Variants in DCP1A observed in about 807,000 individuals in gnomAD.
The protein encoded by DCP1A is mRNA-decapping enzyme 1A.
A neutral mutation model predicts 58.0 loss-of-function variants in DCP1A; 20 were observed. The ratio of observed to expected loss-of-function variants is 0.34; its 90% CI spans 0.24 to 0.50. DCP1A has a LOEUF of 0.50. Ranked by LOEUF, DCP1A falls within the 20% of genes least tolerant of loss-of-function variation. The probability of loss-of-function intolerance (pLI) is 0.98; values close to 1 mark genes in which losing one functional copy is unlikely to be tolerated. For missense variants in DCP1A, 613 were observed against 712.2 expected, an observed-to-expected ratio of 0.86 and a Z score of 1.59; for synonymous variants, 285 against 275.1, an observed-to-expected ratio of 1.04 and a Z score of -0.36.
intron 8 of DCP1A, among the ~76,000 whole-genome samples, chr3:53,288,985 A>C (rs1553685580): frequency 6.6e-6 from 1 of 151,356 alleles, no homozygotes; most frequent in African/African-American, 2.4e-5. Context: ...ATTGCACTCC[A>C]GCCTGGGTGA....
At chr3:53,312,489 ATTC>A (rs1324547450) in intron 4 of DCP1A, 110 bp from the exon 5 acceptor site, 19 of 860,306 alleles carry the variant, frequency 2.2e-5, no homozygotes, top group East Asian at 3.2e-5. Context: ...ACATGATGAC[ATTC>A]TTCTTTTTTT....
intron 3 of DCP1A, among the ~76,000 whole-genome samples, chr3:53,327,343 C>CTGTACTTGCCAGACTGCAAGTACT: frequency 6.6e-6 from 1 of 152,338 alleles, no homozygotes; most frequent in South Asian, 2.1e-4. Context: ...ACAATTCTGG[C>CTGTACTTGCCAGACTGCAAGTACT]TGACTGCAGT....
Position 53,341,122 on chromosome 3 carries a change from C to CT in DCP1A, c.304+1021dup, listed in dbSNP as rs200201119. Among the ~76,000 whole-genome samples, 856 of 151,492 alleles carry CT rather than the reference C, an allele frequency of 5.7e-3. 10 individuals carry two copies. Among genetic ancestry groups the CT allele is most frequent in the African/African-American group, 0.019 (783 of 41,160 alleles). ...ATAAAGTAGAAAAAGTAATAAATAT[C>CT]TTAAAAAAAAAAACCCATCACCACT... On this transcript the variant is annotated intron_variant, in intron 3 of 9. Transcript: ENST00000610213.
At chr3:53,346,076 T>C (rs2089287982) in intron 1 of DCP1A, among the ~76,000 whole-genome samples, 1 of 152,156 alleles carries the variant, frequency 6.6e-6, no homozygotes, top group Non-Finnish European at 1.5e-5. Context: ...AAAGCCTTTG[T>C]GAAAAACTAG....
intron 3 of DCP1A, among the ~76,000 whole-genome samples, chr3:53,327,170 G>C (rs1326621450): frequency 1.3e-5 from 2 of 152,150 alleles, no homozygotes; most frequent in African/African-American, 4.8e-5. Flanking sequence ...TGTAAAAAAG[G>C]GGGGGAACTT....
intron 4 of DCP1A, among the ~76,000 whole-genome samples, 186 bp from the exon 5 acceptor site, chr3:53,312,565 G>A (rs954426303): frequency 8.3e-5 from 12 of 143,876 alleles, no homozygotes; most frequent in Non-Finnish European, 1.4e-4. Flanking sequence ...GTGTGATCTC[G>A]GCTCACTGCA....
chr3:53,336,031 C>T (rs1170410102), intron 3 of DCP1A, among the ~76,000 whole-genome samples: 2 of 152,062 alleles, frequency 1.3e-5, no homozygotes, highest in African/African-American at 4.8e-5. Context: ...AACTCCTGGG[C>T]TCAAGTGATC....
chr3:53,294,236 G>A (rs1286895810), intron 6 of DCP1A, among the ~76,000 whole-genome samples: 1 of 152,210 alleles, frequency 6.6e-6, no homozygotes, highest in African/African-American at 2.4e-5. Flanking sequence ...CACTTGGTCG[G>A]CCACATAAAG....
chr3:53,311,788 T>C (rs1707650800), intron 5 of DCP1A, among the ~76,000 whole-genome samples: 2 of 152,162 alleles, frequency 1.3e-5, no homozygotes, highest in Admixed American at 6.5e-5. Flanking sequence ...TTACCAGAAC[T>C]AGCTGCTGCG....
rs201588037 is a variant in DCP1A at position 53,298,448 on chromosome 3, A to C, written c.625-5621T>G. On this transcript the variant is annotated intron_variant, in intron 6 of 9. Coordinates refer to ENST00000610213, the MANE Select transcript of DCP1A (RefSeq NM_018403.7). The stretch of plus-strand genomic sequence containing the variant: ...AGAGAATAAACGAATTTGTGATGGT[A>C]ATAATGAATCATCATACACAGAATG... Among the ~76,000 whole-genome samples the C allele has an allele frequency of 3.3e-5, 5 of 152,308 alleles. No homozygotes were observed. In the East Asian group the frequency reaches 9.6e-4, roughly 29 times the overall value.
intron 3 of DCP1A, among the ~76,000 whole-genome samples, chr3:53,340,015 C>T (rs564592340): frequency 6.6e-6 from 1 of 152,246 alleles, no homozygotes; most frequent in African/African-American, 2.4e-5. Flanking sequence ...GGACAGCCTC[C>T]TGGGTTCAAG....
intron 3 of DCP1A, among the ~76,000 whole-genome samples, chr3:53,320,791 T>C (rs1553689849): frequency 6.6e-6 from 1 of 152,226 alleles, no homozygotes; most frequent in Non-Finnish European, 1.5e-5. Context: ...CTCCCGTCCC[T>C]GACTCTTGGC....
intron 5 of DCP1A, among the ~76,000 whole-genome samples, chr3:53,308,917 A>G (rs1707558219): frequency 6.6e-6 from 1 of 152,216 alleles, no homozygotes; most frequent in South Asian, 2.1e-4. Flanking sequence ...TTTTAAGAAC[A>G]AAAATACCCT....
chr3:53,338,545 G>C (rs2089153979), intron 3 of DCP1A, among the ~76,000 whole-genome samples: 2 of 151,988 alleles, frequency 1.3e-5, no homozygotes. Flanking sequence ...GGTGGGGTGG[G>C]TGTAGATGGG....
chr3:53,342,847 C>T (rs1355471833), intron 2 of DCP1A, among the ~76,000 whole-genome samples: 1 of 152,180 alleles, frequency 6.6e-6, no homozygotes, highest in East Asian at 1.9e-4. Context: ...GAGCTTTTGT[C>T]TTACTTTTTT....
intron 5 of DCP1A, among the ~76,000 whole-genome samples, chr3:53,311,952 T>TA (rs1553688693): frequency 1.5e-5 from 2 of 135,524 alleles, no homozygotes; most frequent in East Asian, 2.2e-4. Flanking sequence ...CACATCTGTT[T>TA]TAAAAAAAAA....
At position 53,327,151 on chromosome 3, in the gene DCP1A, C is replaced by T. The variant is rs572838921; in HGVS notation, c.305-7678G>A. The stretch of plus-strand genomic sequence containing the variant: ...ATAGTTAGGGATCTGGGAAATAGGT[C>T]AGATGGGGTGTAAAAAAGGGGGGGA... On this transcript the variant is annotated intron_variant, in intron 3 of 9. Transcript: ENST00000610213. Among the ~76,000 whole-genome samples, 35 of 152,222 alleles carry T rather than the reference C, an allele frequency of 2.3e-4. No individual in the cohort carries two copies. The South Asian group carries it at 7.3e-3, about 32-fold the overall frequency.
chr3:53,336,211 C>G (rs1451663923), intron 3 of DCP1A, among the ~76,000 whole-genome samples: 1 of 152,198 alleles, frequency 6.6e-6, no homozygotes, highest in Non-Finnish European at 1.5e-5. Flanking sequence ...TCAAACGATT[C>G]TTCTGACTCA....
At chr3:53,324,672 A>G (rs1708062141) in intron 3 of DCP1A, among the ~76,000 whole-genome samples, 1 of 152,206 alleles carries the variant, frequency 6.6e-6, no homozygotes, top group African/African-American at 2.4e-5. Flanking sequence ...CCTACCACAC[A>G]TTGTGACTGC....
Sources: gnomAD v4.1 joint callset for allele counts (sites outside exome capture counted in the v4.1 genomes callset) on GRCh38, gnomAD v4.1.1 for gene constraint, MANE v1.5 for transcripts, NCBI Gene and HGNC (gene_info 2026-07-23, HGNC 2026-07-21) for gene names.